Variants in TDP2 observed in about 807,000 individuals in gnomAD.
TDP2 encodes the protein tyrosyl-DNA phosphodiesterase 2.
Under a neutral mutation model 42.8 loss-of-function variants are expected in TDP2, and 38 were observed. The observed-to-expected ratio is 0.89, with a 90% CI of 0.68 to 1.16. TDP2 has a LOEUF of 1.16. TDP2 is among the 50% of genes most tolerant of loss of function. The pLI is 0.00. For synonymous variants in TDP2, 173 were observed against 150.6 expected, an observed-to-expected ratio of 1.15 and a Z score of -1.09; for missense variants, 439 against 439.3, an observed-to-expected ratio of 1.00 and a Z score of 0.01.
Position 24,659,615 on chromosome 6 carries a change from A to C in TDP2, c.252-881T>G, listed in dbSNP as rs1038680364. On this transcript the variant is annotated intron_variant, in intron 2 of 6. Coordinates refer to ENST00000378198, the MANE Select transcript of TDP2 (RefSeq NM_016614.3). ...TGTATAAACTATGATCCCAAATTAG[A>C]CTCAGAAACGTAGGATTTCTAAATC... 3.8e-4 allele frequency among the ~76,000 whole-genome samples: 58 copies of C among 152,206 alleles called. 2 individuals carry two copies. The highest frequency in any genetic ancestry group is 6.2e-4 in the South Asian group (3 of 4,836).
intron 2 of TDP2, among the ~76,000 whole-genome samples, chr6:24,660,687 A>G (rs1247655127): frequency 3.3e-5 from 5 of 152,212 alleles, no homozygotes; most frequent in African/African-American, 1.2e-4. Flanking sequence ...CTAAAGACCT[A>G]GACCAATCTT....
intron 4 of TDP2, among the ~76,000 whole-genome samples, 175 bp from the exon 5 acceptor site, chr6:24,654,705 C>T (rs1357628585): frequency 1.3e-5 from 2 of 152,114 alleles, no homozygotes; most frequent in African/African-American, 4.8e-5. Flanking sequence ...AGTCTACCTC[C>T]TCCCTCCCAA....
At chr6:24,654,300 CAT>C (rs1202274099) in intron 5 of TDP2, 110 bp downstream of exon 5, 1 of 549,162 alleles carries the variant, frequency 1.8e-6, no homozygotes, top group Non-Finnish European at 3.1e-6. Context: ...AAAGAATCTA[CAT>C]GTGTGAAGCA....
At chr6:24,666,469 C>G (rs531985039) in intron 2 of TDP2, 57 bp downstream of exon 2, 2 of 1,570,554 alleles carry the variant, frequency 1.3e-6, no homozygotes, top group Middle Eastern at 1.7e-4. Context: ...ACGCGCAGGG[C>G]TACCTGGTAT....
chr6:24,656,900 C>T (rs1778068651), intron 4 of TDP2, among the ~76,000 whole-genome samples: 1 of 152,116 alleles, frequency 6.6e-6, no homozygotes, highest in Admixed American at 6.5e-5. Flanking sequence ...AAGAAGGAAG[C>T]ATGGGAATCA....
chr6:24,663,314 A>G (rs1016514099), intron 2 of TDP2, among the ~76,000 whole-genome samples: 17 of 146,904 alleles, frequency 1.2e-4, no homozygotes, highest in African/African-American at 4.4e-4. Flanking sequence ...TCAGAACCAT[A>G]TTACTATCCC....
Position 24,650,616 on chromosome 6 carries a change from TA to T in TDP2, c.*171del, listed in dbSNP as rs1416774345. The T allele has an allele frequency of 1.5e-6, 1 of 677,012 alleles. No homozygotes were observed. Among genetic ancestry groups the T allele is most frequent in the Non-Finnish European group, 2.4e-6 (1 of 411,604 alleles). The allele number at this position is 677,012 out of a possible 1,614,324, so 41.9% of individuals were successfully genotyped here. A position where few individuals can be genotyped will look rare whatever the true frequency, so the allele number is the denominator to read the frequency against. On this transcript the variant is annotated 3_prime_UTR_variant, in exon 7 of 7. Transcript: ENST00000378198. ...TCCTGAATGCAGGAATGTGTTCGTTTAAATAAACATTAATCTTTAATGTTGA... is the reference window on the plus strand; with the variant it reads ...TCCTGAATGCAGGAATGTGTTCGTTTAATAAACATTAATCTTTAATGTTGA...
intron 6 of TDP2, among the ~76,000 whole-genome samples, chr6:24,651,289 C>T (rs1282385491): frequency 1.3e-5 from 2 of 152,190 alleles, no homozygotes; most frequent in Non-Finnish European, 2.9e-5. Flanking sequence ...CCCTTCTCTT[C>T]TGCCATAAAT....
intron 2 of TDP2, among the ~76,000 whole-genome samples, chr6:24,663,142 A>C (rs1433429769): frequency 1.3e-5 from 2 of 152,204 alleles, no homozygotes; most frequent in Non-Finnish European, 2.9e-5. Context: ...GTCATTAATC[A>C]TAGCTTATAC....
chr6:24,652,886 T>A (rs1777996485), intron 6 of TDP2, 97 bp downstream of exon 6: 1 of 1,348,896 alleles, frequency 7.4e-7, no homozygotes, highest in African/African-American at 1.4e-5. Flanking sequence ...TTTGAGTGAC[T>A]AAAGGTCCTA....
intron 2 of TDP2, among the ~76,000 whole-genome samples, chr6:24,664,145 G>T (rs1778195527): frequency 6.6e-6 from 1 of 152,026 alleles, no homozygotes; most frequent in East Asian, 1.9e-4. Flanking sequence ...TAAATCACCT[G>T]GAGATCTTGT....
At chr6:24,665,582 G>A (rs934966639) in intron 2 of TDP2, among the ~76,000 whole-genome samples, 1 of 152,212 alleles carries the variant, frequency 6.6e-6, no homozygotes, top group Non-Finnish European at 1.5e-5. Context: ...TATACATTCA[G>A]TAAATATTTA....
At chr6:24,652,283 G>A (rs1777986850) in intron 6 of TDP2, among the ~76,000 whole-genome samples, 2 of 152,178 alleles carry the variant, frequency 1.3e-5, no homozygotes, top group African/African-American at 4.8e-5. Flanking sequence ...TATTTGGGCT[G>A]CTTCCACCTT....
rs1405788122 is a variant in TDP2, at chr6:24,666,079, A to G, written c.251+447T>C. 7.1e-6 allele frequency: 11 copies of G among 1,538,764 alleles called. No individual in the cohort carries two copies. The South Asian group carries it at 1.2e-4, about 17-fold the overall frequency. ...TGGAGAGGGGCACTGAAATAACAGG[A>G]GTAGGTGTGCATTAAAAAAAAATAA... On this transcript the variant is annotated intron_variant, in intron 2 of 6. Coordinates refer to ENST00000378198, the MANE Select transcript of TDP2 (RefSeq NM_016614.3).
At chr6:24,654,559 G>A in intron 4 of TDP2, 29 bp from the exon 5 acceptor site, 1 of 1,226,064 alleles carries the variant, frequency 8.2e-7, no homozygotes, top group Non-Finnish European at 1.2e-6. Context: ...AAGAATTTAG[G>A]CTGAGAAGGT....
In TDP2 at chr6:24,650,978, T is replaced by C. The variant is rs1415525607; in HGVS notation, c.899A>G (p.Gln300Arg). 1 of 1,614,174 alleles carries C rather than the reference T, an allele frequency of 6.2e-7. No individual in the cohort carries two copies. The highest frequency in any genetic ancestry group is 2.2e-5 in the East Asian group (1 of 44,878). Residue 300 changes from glutamine (Q) to arginine (R), a missense_variant, in exon 7 of 7, where the codon CAA (glutamine) becomes CGA (arginine). Physicochemically the swap from Gln to Arg is conservative, Grantham distance 43. Transcript: ENST00000378198. ...AGTTATTCCAAGATTAGAGTTCATT[T>C]GTGTATCCCATGTATACTGGCAATG... ...PKHCQYTWDT[Q>R]MNSNLGITAA... is the part of the protein sequence containing the mutation.
Position 24,658,644 on chromosome 6 carries a change from G to A in TDP2, c.342C>T (p.Phe114=), listed in dbSNP as rs766253411. 6.2e-6 allele frequency: 10 copies of A among 1,613,894 alleles called. No homozygotes were observed. The highest frequency in any genetic ancestry group is 2.7e-5 in the African/African-American group (2 of 74,916). The change falls in exon 3 of 7, where the codon TTC becomes TTT. Residue 114 remains phenylalanine (F), a synonymous_variant. Coordinates refer to ENST00000378198, the MANE Select transcript of TDP2 (RefSeq NM_016614.3). The part of the protein sequence containing the change: ...EDTQQENGSM[F]SLITWNIDGL... ...CATCAATATTCCAGGTAATGAGAGA[G>A]AACATGCTGCCATTTTCTTGCTGAG...
chr6:24,665,968 C>A, intron 2 of TDP2: 1 of 1,085,584 alleles, frequency 9.2e-7, no homozygotes, highest in South Asian at 2.6e-5. Context: ...TTTGATAGGC[C>A]TGGAACCTGG....
intron 2 of TDP2, among the ~76,000 whole-genome samples, chr6:24,661,298 T>G (rs1778144331): frequency 6.6e-6 from 1 of 152,178 alleles, no homozygotes; most frequent in Non-Finnish European, 1.5e-5. Flanking sequence ...TTTATATCAG[T>G]ATGGGTTCTT....
Sources: gnomAD v4.1 joint callset for allele counts (sites outside exome capture counted in the v4.1 genomes callset) on GRCh38, gnomAD v4.1.1 for gene constraint, MANE v1.5 for transcripts, NCBI Gene and HGNC (gene_info 2026-07-23, HGNC 2026-07-21) for gene names.